Variants in LINGO2 observed in about 807,000 individuals in gnomAD.
LINGO2 encodes leucine-rich repeat and immunoglobulin-like domain-containing nogo receptor-interacting protein 2.
Under a neutral mutation model 30.6 loss-of-function variants are expected in LINGO2, and 14 were observed. The ratio of observed to expected loss-of-function variants is 0.46; its 90% confidence interval spans 0.30 to 0.72. LINGO2 has a LOEUF of 0.72. LINGO2 is among the 30% of genes least tolerant of loss of function. LINGO2 has a pLI of 0.07. For synonymous variants in LINGO2, 317 were observed against 288.5 expected, an observed-to-expected ratio of 1.10 and a Z score of -1.00; for missense variants, 729 against 751.7, an observed-to-expected ratio of 0.97 and a Z score of 0.35.
At chr9:28,799,809 A>T in the LINGO2 span, among the ~76,000 whole-genome samples, 1 of 152,048 alleles carries the variant, frequency 6.6e-6, no homozygotes, top group Admixed American at 6.6e-5. Flanking sequence ...TCATCATCAT[A>T]CTCATCACTT....
chr9:28,666,695 C>T (rs968236670), intron 1 of LINGO2, among the ~76,000 whole-genome samples: 1 of 152,120 alleles, frequency 6.6e-6, no homozygotes, highest in Admixed American at 6.5e-5. Context: ...GACTAGTAAA[C>T]TAAGCCTCAG....
the LINGO2 span, among the ~76,000 whole-genome samples, chr9:28,931,509 A>G: frequency 1.3e-5 from 2 of 152,202 alleles, no homozygotes; most frequent in Non-Finnish European, 2.9e-5. Context: ...CTTCTTTCTA[A>G]TAAAGGTGTA....
At chr9:29,077,471 A>T in the LINGO2 span, among the ~76,000 whole-genome samples, 7 of 152,064 alleles carry the variant, frequency 4.6e-5, no homozygotes, top group Non-Finnish European at 7.4e-5. Context: ...ACAGCAAAGA[A>T]GTTATTTGTG....
intron 4 of LINGO2, among the ~76,000 whole-genome samples, chr9:28,135,292 A>ATGGGATGAAAGAAGG (rs1340369696): frequency 6.6e-6 from 1 of 152,160 alleles, no homozygotes; most frequent in African/African-American, 2.4e-5. Context: ...ATGAAAGAAG[A>ATGGGATGAAAGAAGG]TGAAATGAAA....
the LINGO2 span, among the ~76,000 whole-genome samples, chr9:28,942,704 A>G: frequency 3.3e-5 from 5 of 152,118 alleles, no homozygotes; most frequent in Non-Finnish European, 7.4e-5. Context: ...GTTTTATGCT[A>G]TTACTGTATA....
At chr9:28,654,026 T>C (rs1828228812) in intron 1 of LINGO2, among the ~76,000 whole-genome samples, 1 of 152,156 alleles carries the variant, frequency 6.6e-6, no homozygotes, top group Non-Finnish European at 1.5e-5. Flanking sequence ...CTAAATAGTA[T>C]AAATAACATG....
At chr9:28,532,725 G>A (rs1481878781) in intron 1 of LINGO2, among the ~76,000 whole-genome samples, 3 of 152,046 alleles carry the variant, frequency 2.0e-5, no homozygotes, top group Non-Finnish European at 4.4e-5. Context: ...CCCAGCCCGC[G>A]TTGAAAGGCT....
At chr9:28,489,896 C>CAAAAAAAAAAAAAAAAAAAA (rs36068240) in intron 1 of LINGO2, among the ~76,000 whole-genome samples, 1 of 66,920 alleles carries the variant, frequency 1.5e-5, no homozygotes, top group Non-Finnish European at 2.9e-5. Flanking sequence ...GACTTTGTCT[C>CAAAAAAAAAAAAAAAAAAAA]AAAAAAAAAA....
At chr9:28,306,983 C>T (rs914301336) in intron 3 of LINGO2, among the ~76,000 whole-genome samples, 8 of 151,922 alleles carry the variant, frequency 5.3e-5, no homozygotes, top group Non-Finnish European at 1.2e-4. Context: ...GATTCACAGC[C>T]GAATTCTACC....
the LINGO2 span, among the ~76,000 whole-genome samples, chr9:28,903,055 A>G: frequency 2.0e-5 from 3 of 151,978 alleles, no homozygotes; most frequent in Non-Finnish European, 4.4e-5. Flanking sequence ...TATAGACTAG[A>G]AAAACAATTG....
chr9:28,370,288 C>T (rs1820843281), intron 3 of LINGO2, among the ~76,000 whole-genome samples: 1 of 152,146 alleles, frequency 6.6e-6, no homozygotes, highest in Admixed American at 6.5e-5. Context: ...CCCACATAGT[C>T]TCAGATAAAT....
intron 1 of LINGO2, among the ~76,000 whole-genome samples, chr9:28,528,139 A>G (rs1421603685): frequency 2.6e-5 from 4 of 152,138 alleles, no homozygotes; most frequent in Non-Finnish European, 5.9e-5. Context: ...TACTTATCCT[A>G]CTTAACTCAG....
chr9:29,086,730 A>G, the LINGO2 span, among the ~76,000 whole-genome samples: 1 of 152,164 alleles, frequency 6.6e-6, no homozygotes, highest in Admixed American at 6.5e-5. Flanking sequence ...TCAGACACAG[A>G]TAAGATATAT....
intron 4 of LINGO2, among the ~76,000 whole-genome samples, chr9:28,215,218 A>T (rs1453511266): frequency 6.6e-6 from 1 of 151,874 alleles, no homozygotes; most frequent in Non-Finnish European, 1.5e-5. Context: ...TAACAATAAC[A>T]TTCTCCTTTA....
chr9:28,863,336 TG>T, the LINGO2 span, among the ~76,000 whole-genome samples: 1 of 152,134 alleles, frequency 6.6e-6, no homozygotes, highest in Non-Finnish European at 1.5e-5. Context: ...TGATGTATCA[TG>T]TTTTTTTAAC....
intron 1 of LINGO2, among the ~76,000 whole-genome samples, chr9:28,496,713 G>A (rs1285403568): frequency 1.3e-5 from 2 of 152,096 alleles, no homozygotes; most frequent in Non-Finnish European, 2.9e-5. Flanking sequence ...GATGTTAGCT[G>A]GTTATTTTGC....
chr9:29,035,271 A>G, the LINGO2 span, among the ~76,000 whole-genome samples: 1 of 152,038 alleles, frequency 6.6e-6, no homozygotes, highest in Non-Finnish European at 1.5e-5. Context: ...TGAAGGTCAC[A>G]TAGATTGTGG....
At chr9:28,346,700 T>C (rs1165453842) in intron 3 of LINGO2, among the ~76,000 whole-genome samples, 1 of 151,904 alleles carries the variant, frequency 6.6e-6, no homozygotes, top group East Asian at 1.9e-4. Context: ...ATCAGCATGT[T>C]ATTTTTGATT....
the LINGO2 span, among the ~76,000 whole-genome samples, chr9:28,883,173 A>G: frequency 6.6e-6 from 1 of 152,026 alleles, no homozygotes; most frequent in East Asian, 1.9e-4. Flanking sequence ...TGGTCATGTC[A>G]GTCTTCTTTA....
Sources: gnomAD v4.1 joint callset for allele counts (sites outside exome capture counted in the v4.1 genomes callset) on GRCh38, gnomAD v4.1.1 for gene constraint, MANE v1.5 for transcripts, NCBI Gene and HGNC (gene_info 2026-07-23, HGNC 2026-07-21) for gene names.